FAM117A: variants seen among roughly 807,000 people sequenced by gnomAD.
The protein encoded by FAM117A is protein FAM117A.
Under a neutral mutation model 44.1 loss-of-function variants are expected in FAM117A, and 21 were observed. The observed-to-expected ratio is 0.48, with a 90% CI of 0.34 to 0.69. FAM117A has a LOEUF of 0.69. Among genes scored for constraint, FAM117A ranks in the 30% least tolerant of loss-of-function variants. The pLI, the probability that FAM117A is intolerant of heterozygous loss-of-function variation, is 0.01. For missense variants in FAM117A, 498 were observed against 589.9 expected (o/e 0.84, Z 1.61); for synonymous variants, 220 against 238.3 (o/e 0.92, Z 0.71).
intron 6 of FAM117A, among the ~76,000 whole-genome samples, chr17:49,716,999 AGGAGG>A (rs2073507359): frequency 2.0e-5 from 3 of 152,166 alleles, no homozygotes; most frequent in Non-Finnish European, 4.4e-5. Flanking sequence ...GATTATTATT[AGGAGG>A]TAGGAATTTC....
chr17:49,787,230 A>T (rs1047560755), intron 1 of FAM117A, among the ~76,000 whole-genome samples: 6 of 152,208 alleles, frequency 3.9e-5, no homozygotes, highest in African/African-American at 1.4e-4. Context: ...GTGCAAAATA[A>T]CAGAGTAATG....
intron 1 of FAM117A, among the ~76,000 whole-genome samples, chr17:49,776,418 A>C (rs1454844457): frequency 6.6e-6 from 1 of 152,094 alleles, no homozygotes; most frequent in Non-Finnish European, 1.5e-5. Flanking sequence ...TACAGGCCAG[A>C]CCAGTCATTC....
At chr17:49,729,012 C>A (rs1215386369) in intron 2 of FAM117A, among the ~76,000 whole-genome samples, 1 of 152,204 alleles carries the variant, frequency 6.6e-6, no homozygotes, top group Non-Finnish European at 1.5e-5. Context: ...TTGTAACCAC[C>A]TAAGAGTTTA....
chr17:49,749,984 G>C (rs1360771429), intron 1 of FAM117A, among the ~76,000 whole-genome samples: 1 of 148,872 alleles, frequency 6.7e-6, no homozygotes, highest in East Asian at 1.9e-4. Flanking sequence ...TAAATGGGGA[G>C]AGTAAGATAT....
At chr17:49,753,839 C>T (rs1307238413) in intron 1 of FAM117A, among the ~76,000 whole-genome samples, 2 of 152,190 alleles carry the variant, frequency 1.3e-5, no homozygotes, top group South Asian at 4.1e-4. Context: ...TCTCCATTTC[C>T]CTGAAAAATA....
intron 1 of FAM117A, among the ~76,000 whole-genome samples, chr17:49,744,355 T>C (rs947451834): frequency 3.9e-5 from 6 of 152,156 alleles, no homozygotes; most frequent in African/African-American, 9.7e-5. Flanking sequence ...TCATAGTTCA[T>C]TGCAACCTCA....
Position 49,758,638 on chromosome 17 carries a change from AAAATAAATAAAT to A in FAM117A, c.196+5242_196+5253del, listed in dbSNP as rs201340759. Among the ~76,000 whole-genome samples, 1,347 of 135,160 alleles carry A rather than the reference AAAATAAATAAAT, an allele frequency of 1.0e-2. 20 individuals are homozygous for A. The highest frequency in any genetic ancestry group is 0.081 in the East Asian group (354 of 4,362). 88.7% of individuals were successfully genotyped at this position (135,160 alleles called of 152,430 possible). On this transcript the variant is annotated intron_variant, in intron 1 of 7. Coordinates refer to ENST00000240364, the MANE Select transcript of FAM117A (RefSeq NM_030802.4). ...GACTGTCTCAAAAAAAAAAAAAAAT[AAAATAAATAAAT>A]AAATAAATAAATAAATAAATAAATA...
intron 2 of FAM117A, among the ~76,000 whole-genome samples, chr17:49,723,609 C>T (rs2073545441): frequency 6.6e-6 from 1 of 152,164 alleles, no homozygotes; most frequent in African/African-American, 2.4e-5. Context: ...ACTGTCTCCT[C>T]CAAGAGATCT....
At chr17:49,718,478 C>T (rs769381816) in intron 5 of FAM117A, among the ~76,000 whole-genome samples, 1 of 151,602 alleles carries the variant, frequency 6.6e-6, no homozygotes, top group Non-Finnish European at 1.5e-5. Flanking sequence ...ACCATTCTGG[C>T]TAACAAAGTG....
intron 1 of FAM117A, among the ~76,000 whole-genome samples, chr17:49,739,824 G>A (rs115136774): frequency 8.6e-4 from 131 of 152,302 alleles, no homozygotes; most frequent in African/African-American, 3.1e-3. Flanking sequence ...GCAGGAGGGT[G>A]GAGTGTCCTG....
intron 1 of FAM117A, among the ~76,000 whole-genome samples, chr17:49,734,604 A>C (rs2073602308): frequency 6.6e-6 from 1 of 151,940 alleles, no homozygotes; most frequent in South Asian, 2.1e-4. Flanking sequence ...AAAATAAATA[A>C]ATAAAAATAA....
intron 1 of FAM117A, among the ~76,000 whole-genome samples, chr17:49,743,940 G>T (rs1012954540): frequency 6.6e-6 from 1 of 151,430 alleles, no homozygotes; most frequent in Non-Finnish European, 1.5e-5. Flanking sequence ...AAAAAAAAAA[G>T]GTTGGGGGGG....
chr17:49,778,232 T>A (rs753281953), intron 1 of FAM117A, among the ~76,000 whole-genome samples: 1 of 152,228 alleles, frequency 6.6e-6, no homozygotes, highest in Non-Finnish European at 1.5e-5. Context: ...TCCACCCAAG[T>A]CTACCTCTTT....
upstream of FAM117A, chr17:49,788,726 C>T (rs2073839547): frequency 1.6e-6 from 2 of 1,236,962 alleles, no homozygotes; most frequent in South Asian, 1.4e-5. Flanking sequence ...TAGGGATCGT[C>T]CGCAGGATTG....
chr17:49,731,056 G>T (rs1256498797), intron 2 of FAM117A, among the ~76,000 whole-genome samples: 1 of 152,084 alleles, frequency 6.6e-6, no homozygotes. Flanking sequence ...GAACAGTACT[G>T]GGCATTCAAA....
chr17:49,774,938 G>A (rs967903568), intron 1 of FAM117A, among the ~76,000 whole-genome samples: 15 of 152,262 alleles, frequency 9.9e-5, no homozygotes, highest in African/African-American at 3.1e-4. Context: ...CTTGGAAGGG[G>A]TCTGTGCGAG....
At chr17:49,760,366 T>C (rs2073718075) in intron 1 of FAM117A, among the ~76,000 whole-genome samples, 1 of 152,168 alleles carries the variant, frequency 6.6e-6, no homozygotes, top group African/African-American at 2.4e-5. Flanking sequence ...AAGTGACATA[T>C]AGTAAATATT....
intron 1 of FAM117A, among the ~76,000 whole-genome samples, chr17:49,743,557 G>C (rs745568044): frequency 6.6e-6 from 1 of 152,080 alleles, no homozygotes; most frequent in East Asian, 1.9e-4. Flanking sequence ...GTGAAACCCC[G>C]TCTCTACTAA....
chr17:49,739,949 T>A (rs1020858022), intron 1 of FAM117A, among the ~76,000 whole-genome samples: 1 of 152,350 alleles, frequency 6.6e-6, no homozygotes, highest in Non-Finnish European at 1.5e-5. Flanking sequence ...AGCTGAGCAG[T>A]GGCGGATGCT....
Sources: allele counts gnomAD v4.1 joint callset (sites outside exome capture counted in the v4.1 genomes callset), GRCh38; gene constraint gnomAD v4.1.1; transcripts MANE v1.5; gene names NCBI Gene and HGNC (gene_info 2026-07-23, HGNC 2026-07-21).